The following BAHCC1 variants were observed in gnomAD, a reference collection of about 807,000 sequenced individuals.
BAHCC1 encodes the protein BAH and coiled-coil domain-containing protein 1.
Under a neutral mutation model 88.2 loss-of-function variants are expected in BAHCC1, and 43 were observed. The observed-to-expected ratio is 0.49, with a 90% CI of 0.38 to 0.63. The LOEUF (loss-of-function observed/expected upper bound fraction) is 0.63. BAHCC1 is among the 20% of genes least tolerant of loss of function. BAHCC1 has a pLI of 0.00. For synonymous variants in BAHCC1, 1,510 were observed against 745.5 expected (o/e 2.03, Z -16.71); for missense variants, 3,023 against 1,654.8 (o/e 1.83, Z -14.34).
At position 81,455,300 on chromosome 17, in the gene BAHCC1, G is replaced by C. The variant is rs564947972; in HGVS notation, c.4479G>C (p.Ala1493=). ...GGACAAGCCTGGGTCTGCTGTGTGC[G>C]GAGCTGCGAGGAGGCAGTGGGGGCG... ...AVRTSLGLLC[A]ELRGGSGGEP... Residue 1493 remains alanine (A), a synonymous_variant, in exon 15 of 28, where the codon GCG becomes GCC. Transcript: ENST00000675386. The C allele has an allele frequency of 2.8e-6, 2 of 717,088 alleles. No homozygotes were observed. The highest frequency in any genetic ancestry group is 2.7e-5 in the East Asian group (1 of 37,430). The allele number at this position is 717,088 out of a possible 1,614,324, so 44.4% of individuals were successfully genotyped here. A position where few individuals can be genotyped will look rare whatever the true frequency, so the allele number is the denominator to read the frequency against.
intron 2 of BAHCC1, chr17:81,402,603 A>T (rs922322282): frequency 1.3e-5 from 2 of 152,190 alleles, no homozygotes; most frequent in Non-Finnish European, 2.9e-5. Flanking sequence ...TGGAAAGGAA[A>T]ATTGACCCGG....
Position 81,452,083 on chromosome 17 carries a change from G to T in BAHCC1, c.4292G>T (p.Arg1431Leu), listed in dbSNP as rs797026383. ...AAGGAGAAGCAGCGGGAGCTGGCCC[G>T]CCTGCAGCGCAAGCACGACCATGAG... is the stretch of plus-strand genomic sequence containing the variant. ...RYKEKQRELA[R>L]LQRKHDHERD... Residue 1431 changes from arginine to leucine, a missense_variant, in exon 13 of 28, where the codon CGC becomes CTC. Arg to Leu is a moderately radical substitution (Grantham distance 102). Transcript: ENST00000675386. 2 of 633,952 alleles carry T rather than the reference G, an allele frequency of 3.2e-6. No homozygotes were observed. The highest frequency in any genetic ancestry group is 2.7e-5 in the East Asian group (1 of 36,590). 39.3% of individuals were successfully genotyped at this position (633,952 alleles called of 1,614,324 possible). A position where few individuals can be genotyped will look rare whatever the true frequency, so the allele number is the denominator to read the frequency against.
intron 2 of BAHCC1, among the ~76,000 whole-genome samples, chr17:81,407,773 T>C (rs1555647155): frequency 1.3e-5 from 2 of 152,216 alleles, no homozygotes; most frequent in African/African-American, 2.4e-5. Flanking sequence ...AGCTCACAGC[T>C]GCTCACACTC....
chr17:81,457,749 A>G (rs1473617762), intron 17 of BAHCC1, among the ~76,000 whole-genome samples, 157 bp downstream of exon 17: 1 of 113,748 alleles, frequency 8.8e-6, no homozygotes, highest in Non-Finnish European at 1.8e-5. Flanking sequence ...CTGGGTAACC[A>G]GGAGGAAGGG....
intron 2 of BAHCC1, among the ~76,000 whole-genome samples, chr17:81,414,696 T>C (rs1288186949): frequency 6.6e-6 from 1 of 152,166 alleles, no homozygotes; most frequent in Non-Finnish European, 1.5e-5. Flanking sequence ...GAGGGCCTGG[T>C]GTGGCCGTCG....
chr17:81,412,045 C>T (rs2063961346), intron 2 of BAHCC1, among the ~76,000 whole-genome samples: 2 of 152,222 alleles, frequency 1.3e-5, no homozygotes, highest in African/African-American at 4.8e-5. Context: ...CAGCTGGTGA[C>T]CCCCAGGAGG....
At chr17:81,418,529 G>C (rs1163324951) in intron 2 of BAHCC1, among the ~76,000 whole-genome samples, 1 of 152,170 alleles carries the variant, frequency 6.6e-6, no homozygotes, top group African/African-American at 2.4e-5. Flanking sequence ...TACCACCAGT[G>C]GGCCGGGACA....
At chr17:81,426,124 A>G (rs2064193902) in intron 2 of BAHCC1, among the ~76,000 whole-genome samples, 2 of 41,286 alleles carry the variant, frequency 4.8e-5, no homozygotes, top group Admixed American at 3.3e-4. Flanking sequence ...GTTGGTGGTG[A>G]TAGTGGTTGG....
At chr17:81,424,491 G>T (rs782014659) in intron 2 of BAHCC1, among the ~76,000 whole-genome samples, 1 of 152,252 alleles carries the variant, frequency 6.6e-6, no homozygotes, top group African/African-American at 2.4e-5. Context: ...CACCTGGGTG[G>T]TAGTGGTGGT....
At position 81,458,208 on chromosome 17, in the gene BAHCC1, G is replaced by A. The variant is rs1555657900; in HGVS notation, c.5085G>A (p.Lys1695=). The change falls in exon 18 of 28, where the codon AAG becomes AAA. Residue 1695 remains lysine, a synonymous_variant. Coordinates refer to ENST00000675386, the MANE Select transcript of BAHCC1 (RefSeq NM_001377448.1). ...LSSPESEVKI[K]RRSVKAKVGT... is the part of the protein sequence containing the mutation. ...GCCCTGAGAGTGAGGTCAAGATCAA[G>A]AGGCGGTCGGTGAAGGCCAAGGTGG... 2 of 729,712 alleles carry A rather than the reference G, an allele frequency of 2.7e-6. No homozygotes were observed. The highest frequency in any genetic ancestry group is 5.2e-5 in the East Asian group (2 of 38,404). 45.2% of individuals were successfully genotyped at this position (729,712 alleles called of 1,614,324 possible). A position where few individuals can be genotyped will look rare whatever the true frequency, so the allele number is the denominator to read the frequency against.
chr17:81,448,403 G>A (rs1298030359), intron 11 of BAHCC1, among the ~76,000 whole-genome samples: 2 of 151,938 alleles, frequency 1.3e-5, no homozygotes, highest in African/African-American at 2.4e-5. Context: ...AACAGTGGGC[G>A]GGTCCAGAGC....
Position 81,460,917 on chromosome 17 carries a change from A to G in BAHCC1, c.6254A>G (p.Asp2085Gly). The G allele has an allele frequency of 1.3e-6, 1 of 768,522 alleles. No homozygotes were observed. The highest frequency in any genetic ancestry group is 2.4e-5 in the East Asian group (1 of 41,232). The allele number at this position is 768,522 out of a possible 1,614,324, so 47.6% of individuals were successfully genotyped here. A position where few individuals can be genotyped will look rare whatever the true frequency, so the allele number is the denominator to read the frequency against. The change falls in exon 26 of 28, where the codon GAC (aspartate) becomes GGC (glycine). Residue 2085 changes from aspartate (D) to glycine (G), a missense_variant. Transcript: ENST00000675386. Reference protein sequence around the residue: ...SGAKSPTGASDHFLGRRGSPL... With the variant: ...SGAKSPTGASGHFLGRRGSPL... ...GCCAAATCCCCCACGGGGGCCTCCG[A>G]CCACTTCCTGGGCCGCCGTGGCAGC...
intron 20 of BAHCC1, 30 bp downstream of exon 20, chr17:81,458,999 C>T (rs1555658380): frequency 1.4e-6 from 1 of 721,502 alleles, no homozygotes; most frequent in Non-Finnish European, 2.6e-6. Context: ...GTGCCAGCCG[C>T]CTGGGGAGGG....
At chr17:81,415,445 C>A (rs782643345) in intron 2 of BAHCC1, 1 of 454,070 alleles carries the variant, frequency 2.2e-6, no homozygotes, top group Non-Finnish European at 4.4e-6. Flanking sequence ...GGAAGGGTAA[C>A]GCGAGCGCGA....
chr17:81,457,163 G>C (rs937214113), intron 16 of BAHCC1, among the ~76,000 whole-genome samples: 10 of 152,134 alleles, frequency 6.6e-5, no homozygotes, highest in Admixed American at 1.3e-4. Context: ...CTGCCTGGTG[G>C]GTGCCCTATT....
intron 2 of BAHCC1, chr17:81,410,149 G>A (rs561583352): frequency 2.2e-4 from 57 of 262,670 alleles, no homozygotes; most frequent in East Asian, 1.0e-3. Context: ...CACTGTGGCC[G>A]TCCGTGTCAC....
chr17:81,421,780 C>A (rs1262527038), intron 2 of BAHCC1, among the ~76,000 whole-genome samples: 1 of 152,196 alleles, frequency 6.6e-6, no homozygotes, highest in Non-Finnish European at 1.5e-5. Flanking sequence ...CAGCAGCTGC[C>A]GCCAGAGCCA....
At position 81,444,706 on chromosome 17, in the gene BAHCC1, G is replaced by A. The variant is rs201560909; in HGVS notation, c.2551G>A (p.Gly851Ser). Residue 851 changes from glycine (G) to serine (S), a missense_variant, in exon 8 of 28, where the codon GGC becomes AGC. Transcript: ENST00000675386. ...HPALHQNLPP[G>S]FPASVAGPVP... ...TGCCCTGCACCAGAACCTGCCCCCC[G>A]GCTTCCCCGCCTCCGTGGCTGGCCC... 44 of 776,930 alleles carry A rather than the reference G, an allele frequency of 5.7e-5. No homozygotes were observed. In the African/African-American group the frequency reaches 5.7e-4, roughly 10 times the overall value. 48.1% of individuals were successfully genotyped at this position (776,930 alleles called of 1,614,324 possible).
chr17:81,423,036 CAGCCTTGTGGTCCGGGA>C (rs1193572899), intron 2 of BAHCC1, among the ~76,000 whole-genome samples: 1 of 152,172 alleles, frequency 6.6e-6, no homozygotes, highest in Non-Finnish European at 1.5e-5. Context: ...ATGGCAGTCC[CAGCCTTGTGGTCCGGGA>C]AGCCCCTGGC....
Sources: allele counts gnomAD v4.1 joint callset (sites outside exome capture counted in the v4.1 genomes callset), GRCh38; gene constraint gnomAD v4.1.1; transcripts MANE v1.5; gene names NCBI Gene and HGNC (gene_info 2026-07-23, HGNC 2026-07-21).